The following CATSPERB variants were observed in gnomAD, a reference collection of about 807,000 sequenced individuals.
The protein encoded by CATSPERB is catsper channel auxiliary subunit beta.
A neutral mutation model predicts 128.3 loss-of-function variants in CATSPERB; 93 were observed. That is an observed-to-expected ratio of 0.72 (90% CI 0.61 to 0.86). The LOEUF is 0.86. CATSPERB is among the 40% of genes least tolerant of loss of function. The probability of loss-of-function intolerance (pLI) is 0.00; values close to 1 mark genes in which losing one functional copy is unlikely to be tolerated. For synonymous variants in CATSPERB, 381 were observed against 448.8 expected, an observed-to-expected ratio of 0.85 and a Z score of 1.91; for missense variants, 1,153 against 1,329.5, an observed-to-expected ratio of 0.87 and a Z score of 2.06.
chr14:91,657,910 C>T (rs1894813414), intron 15 of CATSPERB, among the ~76,000 whole-genome samples: 1 of 152,134 alleles, frequency 6.6e-6, no homozygotes, highest in African/African-American at 2.4e-5. Flanking sequence ...AACCCTTGTA[C>T]ACTGTTGGTG....
At chr14:91,684,908 C>A (rs563983233) in intron 10 of CATSPERB, among the ~76,000 whole-genome samples, 1 of 151,926 alleles carries the variant, frequency 6.6e-6, no homozygotes, top group African/African-American at 2.4e-5. Context: ...TGAGCCACTG[C>A]GCTGACCGAG....
chr14:91,631,626 T>C (rs1894279082), intron 17 of CATSPERB, among the ~76,000 whole-genome samples: 1 of 151,940 alleles, frequency 6.6e-6, no homozygotes, highest in Admixed American at 6.6e-5. Flanking sequence ...GATCGCGCCA[T>C]TGGACTCCAG....
chr14:91,654,052 CAGA>C lies in CATSPERB; in HGVS notation c.1432+5782_1432+5784del, dbSNP rs202049864. Among the ~76,000 whole-genome samples, 1,381 of 151,720 alleles carry C rather than the reference CAGA, an allele frequency of 9.1e-3. 16 individuals carry two copies. The highest frequency in any genetic ancestry group is 0.044 in the Middle Eastern group (13 of 294). ...ATGGAAACAGGAAGAGTGGGAAGAA[CAGA>C]AGAAGAAGGAAGGAAAAGGGATAAA... On this transcript the variant is annotated intron_variant, in intron 15 of 26. Transcript: ENST00000256343.
At chr14:91,602,629 G>A (rs1407070290) in intron 22 of CATSPERB, among the ~76,000 whole-genome samples, 1 of 151,304 alleles carries the variant, frequency 6.6e-6, no homozygotes, top group Non-Finnish European at 1.5e-5. Flanking sequence ...TGAATATTTT[G>A]GTAACAAATA....
chr14:91,614,768 C>T (rs185381093), intron 20 of CATSPERB, among the ~76,000 whole-genome samples: 1 of 152,134 alleles, frequency 6.6e-6, no homozygotes, highest in Non-Finnish European at 1.5e-5. Flanking sequence ...TGCACTTCAG[C>T]CTGGGCATCA....
rs115982343 is a variant in CATSPERB, at chr14:91,722,918, A to T, written c.309+131T>A. The T allele has an allele frequency of 4.5e-3, 2,582 of 580,116 alleles. 76 individuals are homozygous for T. In the African/African-American group the frequency reaches 0.045, roughly 10 times the overall value. The allele number at this position is 580,116 out of a possible 1,614,324, so 35.9% of individuals were successfully genotyped here. On this transcript the variant is annotated intron_variant, in intron 4 of 26. Coordinates refer to ENST00000256343, the MANE Select transcript of CATSPERB (RefSeq NM_024764.4). ...GACTGTTTAAAGCAAAAAGTGTAAC[A>T]CTATCAGTGGGCTTAAAACATACAT...
intron 20 of CATSPERB, among the ~76,000 whole-genome samples, 165 bp from the exon 21 acceptor site, chr14:91,610,842 T>C (rs750805625): frequency 4.6e-5 from 7 of 152,132 alleles, no homozygotes; most frequent in Non-Finnish European, 8.8e-5. Flanking sequence ...ATGAGGTCAT[T>C]TGGGTGGGCC....
At chr14:91,585,252 C>A (rs558290246) in intron 26 of CATSPERB, among the ~76,000 whole-genome samples, 1 of 152,046 alleles carries the variant, frequency 6.6e-6, no homozygotes, top group African/African-American at 2.4e-5. Context: ...TGAGCTCAAG[C>A]GATCCACCCA....
At chr14:91,635,857 A>G (rs1315032711) in intron 17 of CATSPERB, 3 of 152,318 alleles carry the variant, frequency 2.0e-5, no homozygotes, top group Non-Finnish European at 2.9e-5. Flanking sequence ...GATAGGAAGT[A>G]TCCAGTGTTG....
intron 10 of CATSPERB, among the ~76,000 whole-genome samples, chr14:91,691,151 TA>T (rs1236104165): frequency 1.3e-5 from 2 of 151,890 alleles, no homozygotes; most frequent in Non-Finnish European, 2.9e-5. Context: ...GATTGAGGAG[TA>T]AAGTGTTAGC....
chr14:91,648,863 T>C (rs554000580), intron 15 of CATSPERB, among the ~76,000 whole-genome samples: 29 of 152,350 alleles, frequency 1.9e-4, no homozygotes, highest in African/African-American at 5.5e-4. Flanking sequence ...TGGAGAAATG[T>C]AGATTACCTC....
At chr14:91,631,365 A>G (rs1894273850) in intron 17 of CATSPERB, among the ~76,000 whole-genome samples, 1 of 152,190 alleles carries the variant, frequency 6.6e-6, no homozygotes, top group African/African-American at 2.4e-5. Flanking sequence ...CACTATTAAG[A>G]TTTTGTGAAG....
chr14:91,712,515 G>C (rs1012858949), intron 5 of CATSPERB, among the ~76,000 whole-genome samples: 1 of 152,178 alleles, frequency 6.6e-6, no homozygotes, highest in African/African-American at 2.4e-5. Context: ...AAAACTGTAA[G>C]GAGCATCCTC....
intron 15 of CATSPERB, among the ~76,000 whole-genome samples, chr14:91,656,044 T>C (rs941845152): frequency 1.3e-5 from 2 of 152,146 alleles, no homozygotes; most frequent in African/African-American, 4.8e-5. Flanking sequence ...GCATGACGTA[T>C]ATTTTTTAAA....
intron 14 of CATSPERB, among the ~76,000 whole-genome samples, chr14:91,661,237 TAA>T (rs1894875948): frequency 6.6e-6 from 1 of 152,162 alleles, no homozygotes; most frequent in Non-Finnish European, 1.5e-5. Flanking sequence ...TGTTTTTCTA[TAA>T]GTTACATTTG....
intron 4 of CATSPERB, 63 bp from the exon 5 acceptor site, chr14:91,719,541 T>A: frequency 8.1e-7 from 1 of 1,235,118 alleles, no homozygotes. Flanking sequence ...CATCACATTC[T>A]ATGCTATATT....
chr14:91,583,164 A>C (rs1248542604), intron 26 of CATSPERB, among the ~76,000 whole-genome samples: 1 of 152,230 alleles, frequency 6.6e-6, no homozygotes, highest in African/African-American at 2.4e-5. Context: ...CATGCCTGTA[A>C]TCCCAGCACT....
chr14:91,722,070 T>C (rs1390591659), intron 4 of CATSPERB, among the ~76,000 whole-genome samples: 1 of 152,056 alleles, frequency 6.6e-6, no homozygotes, highest in Admixed American at 6.6e-5. Flanking sequence ...GAAATTGGAA[T>C]TCTAACAAGC....
chr14:91,704,738 G>C, intron 6 of CATSPERB, 37 bp from the exon 7 acceptor site: 2 of 1,595,532 alleles, frequency 1.3e-6, no homozygotes, highest in Non-Finnish European at 1.7e-6. Context: ...AATTGTGGGA[G>C]CACCCTTGAA....
Sources: allele counts gnomAD v4.1 joint callset (sites outside exome capture counted in the v4.1 genomes callset), GRCh38; gene constraint gnomAD v4.1.1; transcripts MANE v1.5; gene names NCBI Gene and HGNC (gene_info 2026-07-23, HGNC 2026-07-21).